KLHL1: variants seen among roughly 807,000 people sequenced by gnomAD.
KLHL1 encodes the protein kelch like family member 1.
A neutral mutation model predicts 77.7 loss-of-function variants in KLHL1; 47 were observed. The observed-to-expected ratio is 0.60, with a 90% CI of 0.48 to 0.77. KLHL1 has a LOEUF of 0.77. KLHL1 is among the 30% of genes least tolerant of loss of function. KLHL1 has a pLI of 0.00. For missense variants in KLHL1, 925 were observed against 910.8 expected (o/e 1.02, Z -0.20); for synonymous variants, 360 against 325.2 (o/e 1.11, Z -1.15).
At chr13:69,893,266 C>CGA (rs1187115070) in intron 4 of KLHL1, among the ~76,000 whole-genome samples, 1 of 142,070 alleles carries the variant, frequency 7.0e-6, no homozygotes. Context: ...CTCGCTCTGT[C>CGA]GCCCAGGCCG....
At chr13:69,772,540 T>C (rs994859908) in intron 7 of KLHL1, among the ~76,000 whole-genome samples, 3 of 152,188 alleles carry the variant, frequency 2.0e-5, no homozygotes, top group Non-Finnish European at 4.4e-5. Flanking sequence ...ATGAACTAAA[T>C]TGAATTAAAC....
intron 1 of KLHL1, among the ~76,000 whole-genome samples, chr13:70,078,359 A>G (rs1356941721): frequency 6.6e-6 from 1 of 152,122 alleles, no homozygotes; most frequent in East Asian, 1.9e-4. Flanking sequence ...TGAATTACAA[A>G]ATTAATGATG....
chr13:69,980,553 A>G (rs944093972), intron 1 of KLHL1, among the ~76,000 whole-genome samples: 5 of 152,102 alleles, frequency 3.3e-5, no homozygotes, highest in African/African-American at 1.2e-4. Context: ...CATTCCACAC[A>G]CATATTTTTC....
In KLHL1 at chr13:69,842,544, G is replaced by A. The variant is rs576188675; in HGVS notation, c.1228-3382C>T. The stretch of plus-strand genomic sequence containing the variant: ...TATTTAAGAAGACAAAAAATAACAT[G>A]ATGGTGTGAATGAGGAGAAAATGAA... On this transcript the variant is annotated intron_variant, in intron 5 of 10. Transcript: ENST00000377844. Among the ~76,000 whole-genome samples, 511 of 151,820 alleles carry A rather than the reference G, an allele frequency of 3.4e-3. 2 individuals carry two copies. The highest frequency in any genetic ancestry group is 0.011 in the African/African-American group (472 of 41,502).
At chr13:69,718,571 C>G (rs747472506) in intron 9 of KLHL1, among the ~76,000 whole-genome samples, 18 of 152,016 alleles carry the variant, frequency 1.2e-4, no homozygotes, top group African/African-American at 4.1e-4. Context: ...CTAAATATTC[C>G]CTATCCTCAT....
At chr13:70,080,208 T>C (rs993911689) in intron 1 of KLHL1, among the ~76,000 whole-genome samples, 3 of 152,116 alleles carry the variant, frequency 2.0e-5, no homozygotes, top group Non-Finnish European at 4.4e-5. Flanking sequence ...TGCTATCTGA[T>C]TGGACCAGGG....
At chr13:69,878,726 AGAGAG>A (rs1566356793) in intron 5 of KLHL1, among the ~76,000 whole-genome samples, 16 of 152,024 alleles carry the variant, frequency 1.1e-4, no homozygotes, top group Non-Finnish European at 2.2e-4. Flanking sequence ...AGAGAGAGAG[AGAGAG>A]AGAGTGAGAG....
At chr13:69,715,517 T>G (rs1250939714) in intron 9 of KLHL1, among the ~76,000 whole-genome samples, 4 of 17,952 alleles carry the variant, frequency 2.2e-4, no homozygotes, top group African/African-American at 2.5e-4. Context: ...AAGGCAGTTT[T>G]ATTATTTATT....
At chr13:70,040,605 A>G (rs984036990) in intron 1 of KLHL1, among the ~76,000 whole-genome samples, 7 of 152,094 alleles carry the variant, frequency 4.6e-5, no homozygotes, top group Non-Finnish European at 1.0e-4. Context: ...TATAGCTAAT[A>G]CTTTGTTCCT....
intron 1 of KLHL1, among the ~76,000 whole-genome samples, chr13:70,104,607 T>G (rs971674518): frequency 6.6e-6 from 1 of 152,146 alleles, no homozygotes; most frequent in South Asian, 2.1e-4. Flanking sequence ...TCATGTTTTA[T>G]ATGTAAGGAT....
chr13:69,874,139 T>C (rs749136787), intron 5 of KLHL1, among the ~76,000 whole-genome samples: 6 of 152,092 alleles, frequency 3.9e-5, no homozygotes, highest in Non-Finnish European at 7.4e-5. Flanking sequence ...ATAACAAAAA[T>C]AATTTTTAAA....
chr13:70,046,627 A>G (rs1886503305), intron 1 of KLHL1, among the ~76,000 whole-genome samples: 1 of 152,168 alleles, frequency 6.6e-6, no homozygotes. Context: ...AGCTGGGATT[A>G]CAGGAGTGCA....
At chr13:69,937,439 A>G (rs1226241578) in intron 4 of KLHL1, among the ~76,000 whole-genome samples, 1 of 152,064 alleles carries the variant, frequency 6.6e-6, no homozygotes, top group Non-Finnish European at 1.5e-5. Flanking sequence ...ACCACATAAA[A>G]TTTACTATTC....
At chr13:70,034,477 T>A (rs931841362) in intron 1 of KLHL1, among the ~76,000 whole-genome samples, 1 of 152,232 alleles carries the variant, frequency 6.6e-6, no homozygotes, top group Admixed American at 6.5e-5. Flanking sequence ...AGTGCCCATA[T>A]GGGTTTGCCT....
At position 69,889,914 on chromosome 13, in the gene KLHL1, C is replaced by T. The variant is rs189304305; in HGVS notation, c.1015-7419G>A. ...CTGACCCTACCCTTCCCTTCAGCCT[C>T]CTCTTGCTAGCTCTAGAGGCTACAT... is the stretch of plus-strand genomic sequence containing the variant. On this transcript the variant is annotated intron_variant, in intron 4 of 10. Transcript: ENST00000377844. 5.3e-3 allele frequency among the ~76,000 whole-genome samples: 811 copies of T among 152,204 alleles called. 8 individuals carry two copies. Among genetic ancestry groups the T allele is most frequent in the African/African-American group, 0.019 (784 of 41,558 alleles).
chr13:69,791,030 A>G (rs1208672052), intron 7 of KLHL1, among the ~76,000 whole-genome samples: 1 of 152,160 alleles, frequency 6.6e-6, no homozygotes. Context: ...TGGAGGGTCA[A>G]GCCATTGCTG....
chr13:70,002,227 T>C (rs1346513647), intron 1 of KLHL1, among the ~76,000 whole-genome samples: 1 of 151,628 alleles, frequency 6.6e-6, no homozygotes, highest in Non-Finnish European at 1.5e-5. Context: ...TATAACAATA[T>C]TTTTAAATAA....
chr13:69,715,823 G>A (rs1876097017), intron 9 of KLHL1, among the ~76,000 whole-genome samples: 1 of 151,996 alleles, frequency 6.6e-6, no homozygotes, highest in South Asian at 2.1e-4. Context: ...GGGAGGAAGG[G>A]GAAGGGAGAA....
At chr13:69,784,083 T>C (rs1168774831) in intron 7 of KLHL1, among the ~76,000 whole-genome samples, 1 of 152,078 alleles carries the variant, frequency 6.6e-6, no homozygotes, top group Non-Finnish European at 1.5e-5. Flanking sequence ...CCAGCCAAAC[T>C]AAGCCTCATA....
Sources: gnomAD v4.1 joint callset for allele counts (sites outside exome capture counted in the v4.1 genomes callset) on GRCh38, gnomAD v4.1.1 for gene constraint, MANE v1.5 for transcripts, NCBI Gene and HGNC (gene_info 2026-07-23, HGNC 2026-07-21) for gene names.